Variants in SRGAP2B observed in about 807,000 individuals in gnomAD.
The protein encoded by SRGAP2B is SLIT-ROBO Rho GTPase-activating protein 2B.
A neutral mutation model predicts 22.2 loss-of-function variants in SRGAP2B; 9 were observed. The ratio of observed to expected loss-of-function variants is 0.41; its 90% CI spans 0.24 to 0.71. The LOEUF is 0.71. Ranked by LOEUF, SRGAP2B falls within the 30% of genes least tolerant of loss-of-function variation. The pLI, the probability that SRGAP2B is intolerant of heterozygous loss-of-function variation, is 0.35. For synonymous variants in SRGAP2B, 36 were observed against 87.4 expected (o/e 0.41, Z 3.28); for missense variants, 114 against 235.8 (o/e 0.48, Z 3.38).
At position 144,990,794 on chromosome 1, in the gene SRGAP2B, C is replaced by A. The variant is rs1322805273; in HGVS notation, c.260+4214G>T. Among the ~76,000 whole-genome samples, 5 of 151,430 alleles carry A rather than the reference C, an allele frequency of 3.3e-5. No homozygotes were observed. The South Asian group carries it at 1.0e-3, about 31-fold the overall frequency. On this transcript the variant is annotated intron_variant, in intron 3 of 9. Coordinates refer to ENST00000612199, the Ensembl canonical transcript of SRGAP2B. Reference sequence around the variant, plus strand: ...GGCAATGGGGGACTTAGCACCCGGGCCAGTGGCTGCGGAGGGTGTACTGAG... The same window carrying A: ...GGCAATGGGGGACTTAGCACCCGGGACAGTGGCTGCGGAGGGTGTACTGAG...
chr1:144,958,129 A>G (rs1667405590), intron 3 of SRGAP2B, among the ~76,000 whole-genome samples: 1 of 151,210 alleles, frequency 6.6e-6, no homozygotes, highest in African/African-American at 2.5e-5. Flanking sequence ...ATAGTAAAGT[A>G]GAACTTTAAT....
intron 2 of SRGAP2B, among the ~76,000 whole-genome samples, chr1:145,090,506 C>G (rs1195170961): frequency 1.3e-5 from 2 of 149,558 alleles, no homozygotes; most frequent in Non-Finnish European, 3.0e-5. Context: ...AAGGATTAAA[C>G]CAGACCATTC....
chr1:144,904,698 C>CAA (rs1192600476), intron 7 of SRGAP2B, among the ~76,000 whole-genome samples: 356 of 16,906 alleles, frequency 0.021, 6 homozygotes, highest in African/African-American at 0.033. Context: ...GACTCTATCT[C>CAA]AAAAAAAAAA....
rs1663268341 is a variant in SRGAP2B at position 144,909,654 on chromosome 1, A to G, written c.487-3580T>C. On this transcript the variant is annotated intron_variant, in intron 5 of 9. Transcript: ENST00000612199. ...ATCCCCTCTCCCATTGTAGTGGAAG[A>G]CTAGATGAGAGGTTTATTCTGTTAG... Among the ~76,000 whole-genome samples, 2 of 150,248 alleles carry G rather than the reference A, an allele frequency of 1.3e-5. 1 individual carries two copies. Among genetic ancestry groups the G allele is most frequent in the African/African-American group, 5.0e-5 (2 of 39,902 alleles).
At chr1:144,971,538 T>C (rs1320848818) in intron 3 of SRGAP2B, among the ~76,000 whole-genome samples, 1 of 150,710 alleles carries the variant, frequency 6.6e-6, no homozygotes, top group Non-Finnish European at 1.5e-5. Context: ...CAAGCAATCC[T>C]CCCGCCTCAG....
intron 2 of SRGAP2B, among the ~76,000 whole-genome samples, chr1:144,996,267 T>A (rs1234866892): frequency 1.3e-5 from 2 of 149,318 alleles, no homozygotes; most frequent in East Asian, 2.0e-4. Context: ...CCAATCCCCA[T>A]CTGAGTCAGA....
intron 2 of SRGAP2B, among the ~76,000 whole-genome samples, chr1:145,007,802 CTTT>C (rs880001624): frequency 4.0e-4 from 40 of 101,106 alleles, no homozygotes; most frequent in African/African-American, 1.3e-3. Flanking sequence ...ATTTCTTCTT[CTTT>C]TTTTTTTTTT....
At chr1:144,992,872 G>A (rs1181912693) in intron 3 of SRGAP2B, among the ~76,000 whole-genome samples, 3 of 150,444 alleles carry the variant, frequency 2.0e-5, no homozygotes, top group Admixed American at 2.0e-4. Context: ...TGGGACACCA[G>A]AAGATCAAAC....
At chr1:145,063,456 TC>T (rs1651132899) in intron 2 of SRGAP2B, among the ~76,000 whole-genome samples, 1 of 110,250 alleles carries the variant, frequency 9.1e-6, no homozygotes, top group Non-Finnish European at 1.8e-5. Flanking sequence ...AAACCCTTCT[TC>T]CCTCCCTCCC....
chr1:145,022,390 A>G (rs1239589788), intron 2 of SRGAP2B, among the ~76,000 whole-genome samples: 1 of 120,942 alleles, frequency 8.3e-6, no homozygotes, highest in African/African-American at 3.6e-5. Flanking sequence ...AGTGGAAAGA[A>G]GGCAGAGGGT....
chr1:144,975,672 C>T (rs1352528553), intron 3 of SRGAP2B, among the ~76,000 whole-genome samples: 1 of 148,324 alleles, frequency 6.7e-6, no homozygotes, highest in Non-Finnish European at 1.5e-5. Context: ...AAATAAGCTT[C>T]TTTTCTTTAT....
At chr1:144,986,879 C>T (rs1553616070) in intron 3 of SRGAP2B, among the ~76,000 whole-genome samples, 1 of 151,016 alleles carries the variant, frequency 6.6e-6, no homozygotes, top group Non-Finnish European at 1.5e-5. Context: ...TGTTCTTCAG[C>T]AAAACAGATA....
chr1:144,956,504 G>C (rs1190012885), intron 3 of SRGAP2B, among the ~76,000 whole-genome samples: 2 of 99,506 alleles, frequency 2.0e-5, no homozygotes, highest in African/African-American at 8.8e-5. Flanking sequence ...CTGGAGTACA[G>C]TGGCACAATC....
chr1:144,984,332 A>AAACAACAAC lies in SRGAP2B; in HGVS notation c.260+10667_260+10675dup, dbSNP rs1202934958. Reference sequence around the variant, plus strand: ...CGAAACTCCATCTAAAAAAAAACCCAAACAACAACAACAACAACAACAACA... The same window carrying AAACAACAAC: ...CGAAACTCCATCTAAAAAAAAACCCAAACAACAACAACAACAACAACAACAACAACAACA... On this transcript the variant is annotated intron_variant, in intron 3 of 9. Transcript: ENST00000612199. Among the ~76,000 whole-genome samples the AAACAACAAC allele has an allele frequency of 1.3e-3, 152 of 118,440 alleles. 3 individuals carry two copies. The highest frequency in any genetic ancestry group is 9.6e-3 in the East Asian group (40 of 4,150). 77.7% of individuals were successfully genotyped at this position (118,440 alleles called of 152,430 possible).
At chr1:144,907,102 G>A (rs1212727072) in intron 5 of SRGAP2B, among the ~76,000 whole-genome samples, 1 of 148,062 alleles carries the variant, frequency 6.8e-6, no homozygotes. Context: ...TTCTTTGAGA[G>A]GGAGAATTAG....
At chr1:144,986,790 C>T (rs1344389297) in intron 3 of SRGAP2B, among the ~76,000 whole-genome samples, 2 of 148,942 alleles carry the variant, frequency 1.3e-5, no homozygotes, top group Non-Finnish European at 3.0e-5. Flanking sequence ...CGAACCCTGT[C>T]GCCTGGCATT....
intron 2 of SRGAP2B, among the ~76,000 whole-genome samples, chr1:145,009,587 CAA>C (rs142447274): frequency 2.5e-5 from 2 of 79,548 alleles, no homozygotes; most frequent in African/African-American, 5.8e-5. Flanking sequence ...GACTCCGTCT[CAA>C]AAAAAAAAAA....
Position 144,908,303 on chromosome 1 carries a change from T to C in SRGAP2B, c.487-2229A>G, listed in dbSNP as rs1663135995. 6.6e-5 allele frequency among the ~76,000 whole-genome samples: 10 copies of C among 150,518 alleles called. 1 individual carries two copies. The South Asian group carries it at 2.1e-3, about 31-fold the overall frequency. On this transcript the variant is annotated intron_variant, in intron 5 of 9. Coordinates refer to ENST00000612199, the Ensembl canonical transcript of SRGAP2B. ...ATGAGATAAAAAAGAGGTCAAAGAA[T>C]AGCACTACCAAGTCAACAAATGAAG... is the stretch of plus-strand genomic sequence containing the variant.
Position 145,080,777 on chromosome 1 carries a change from A to G in SRGAP2B, c.67+12058T>C, listed in dbSNP as rs1447040919. On this transcript the variant is annotated intron_variant, in intron 2 of 9. Transcript: ENST00000612199. The stretch of plus-strand genomic sequence containing the variant: ...ACCATGTTGGCCAGGCTGGTCTTGA[A>G]CTCCTGACCTTAGGTGATCCGCCTG... Among the ~76,000 whole-genome samples, 6 of 148,562 alleles carry G rather than the reference A, an allele frequency of 4.0e-5. 1 individual carries two copies. Among genetic ancestry groups the G allele is most frequent in the Admixed American group, 3.3e-4 (5 of 15,062 alleles).
Sources: allele counts gnomAD v4.1 joint callset (sites outside exome capture counted in the v4.1 genomes callset), GRCh38; gene constraint gnomAD v4.1.1; transcripts MANE v1.5; gene names NCBI Gene and HGNC (gene_info 2026-07-23, HGNC 2026-07-21).